Variants in PPP2R2B observed in about 807,000 individuals in gnomAD.
PPP2R2B encodes serine/threonine-protein phosphatase 2A 55 kDa regulatory subunit B beta isoform.
In PPP2R2B, 5 loss-of-function variants were observed where a neutral mutation model predicts 46.0. The observed-to-expected ratio is 0.11, with a 90% confidence interval of 0.06 to 0.23. The LOEUF (loss-of-function observed/expected upper bound fraction) is 0.23. Among genes scored for constraint, PPP2R2B ranks in the 10% least tolerant of loss-of-function variants. The pLI is 1.00. For missense variants in PPP2R2B, 367 were observed against 575.0 expected, an observed-to-expected ratio of 0.64 and a Z score of 3.70; for synonymous variants, 215 against 206.7, an observed-to-expected ratio of 1.04 and a Z score of -0.34.
intron 5 of PPP2R2B, among the ~76,000 whole-genome samples, chr5:146,671,237 T>C (rs1252821358): frequency 6.6e-6 from 1 of 152,214 alleles, no homozygotes; most frequent in Non-Finnish European, 1.5e-5. Context: ...AGGTGATTCA[T>C]GTATGTTGAT....
intron 2 of PPP2R2B, among the ~76,000 whole-genome samples, chr5:147,072,076 G>A (rs1333102006): frequency 6.6e-6 from 1 of 152,124 alleles, no homozygotes; most frequent in Non-Finnish European, 1.5e-5. Context: ...TTCTGGTGTA[G>A]GATTCAAAAC....
chr5:147,060,399 G>A (rs1351464064), upstream of PPP2R2B, among the ~76,000 whole-genome samples: 1 of 152,122 alleles, frequency 6.6e-6, no homozygotes, highest in African/African-American at 2.4e-5. Context: ...GGCTGCAGTG[G>A]GCAGATCACT....
chr5:146,770,222 G>A (rs1248320883), intron 2 of PPP2R2B, among the ~76,000 whole-genome samples: 4 of 150,886 alleles, frequency 2.7e-5, no homozygotes, highest in South Asian at 2.1e-4. Context: ...CTAGATACTC[G>A]GGAGAGGCTG....
chr5:146,940,286 C>A (rs76731372), intron 1 of PPP2R2B, among the ~76,000 whole-genome samples: 1 of 152,110 alleles, frequency 6.6e-6, no homozygotes, highest in African/African-American at 2.4e-5. Flanking sequence ...ATGATTGAAG[C>A]GCCACATCTA....
chr5:146,859,568 C>A (rs1167646586), intron 2 of PPP2R2B, among the ~76,000 whole-genome samples: 1 of 152,176 alleles, frequency 6.6e-6, no homozygotes, highest in South Asian at 2.1e-4. Context: ...TGCAGCTTAT[C>A]TATCTAACAA....
At chr5:146,726,743 A>G (rs569746685) in intron 2 of PPP2R2B, among the ~76,000 whole-genome samples, 2 of 152,292 alleles carry the variant, frequency 1.3e-5, no homozygotes, top group African/African-American at 4.8e-5. Flanking sequence ...GATCTGAGAA[A>G]TCTACTTTAC....
At chr5:146,882,920 T>TGTG (rs1302191372), upstream of PPP2R2B, among the ~76,000 whole-genome samples, 25 of 152,348 alleles carry the variant, frequency 1.6e-4, no homozygotes, top group African/African-American at 5.8e-4. Flanking sequence ...ATTGACAGCA[T>TGTG]GTGGATACAT....
chr5:147,000,089 G>A (rs112340674), intron 1 of PPP2R2B, among the ~76,000 whole-genome samples: 1,593 of 152,252 alleles, frequency 0.01, 12 homozygotes, highest in Non-Finnish European at 0.017. Context: ...AACAGACAGA[G>A]GGATTCCAAG....
intron 1 of PPP2R2B, among the ~76,000 whole-genome samples, chr5:146,959,243 C>G (rs963495863): frequency 1.3e-5 from 2 of 152,092 alleles, no homozygotes; most frequent in South Asian, 2.1e-4. Flanking sequence ...ACCTAACATG[C>G]CTTCTAGCAT....
At chr5:146,868,137 G>C (rs1349652842) in intron 2 of PPP2R2B, among the ~76,000 whole-genome samples, 1 of 152,250 alleles carries the variant, frequency 6.6e-6, no homozygotes, top group Non-Finnish European at 1.5e-5. Context: ...CTGAGTCCCT[G>C]ATTCACTCCA....
At chr5:146,990,779 A>C (rs954294570) in intron 1 of PPP2R2B, among the ~76,000 whole-genome samples, 4 of 152,128 alleles carry the variant, frequency 2.6e-5, no homozygotes, top group Non-Finnish European at 5.9e-5. Flanking sequence ...TGAAGAGTAA[A>C]ATATGGAGGG....
intron 2 of PPP2R2B, among the ~76,000 whole-genome samples, chr5:146,757,503 C>T (rs538271185): frequency 8.6e-5 from 13 of 151,950 alleles, no homozygotes; most frequent in South Asian, 4.2e-4. Flanking sequence ...GGGTGGAAGG[C>T]GAGAGATGGA....
intron 2 of PPP2R2B, among the ~76,000 whole-genome samples, chr5:146,840,336 A>T (rs1759556647): frequency 6.6e-6 from 1 of 152,124 alleles, no homozygotes; most frequent in African/African-American, 2.4e-5. Context: ...TTTTTTTTAC[A>T]TCGAAAAGAA....
At chr5:146,644,974 G>C (rs998576824) in intron 6 of PPP2R2B, among the ~76,000 whole-genome samples, 17 of 152,182 alleles carry the variant, frequency 1.1e-4, no homozygotes, top group African/African-American at 4.1e-4. Flanking sequence ...GGATAAGAGA[G>C]CCAAGTAGGA....
intron 8 of PPP2R2B, among the ~76,000 whole-genome samples, chr5:146,599,533 T>C (rs1391336917): frequency 1.3e-5 from 2 of 152,220 alleles, no homozygotes; most frequent in Non-Finnish European, 2.9e-5. Flanking sequence ...CAGGGCCTAG[T>C]GATCAGCCCC....
chr5:146,957,290 T>A (rs1177025836), intron 1 of PPP2R2B, among the ~76,000 whole-genome samples: 1 of 152,208 alleles, frequency 6.6e-6, no homozygotes, highest in Non-Finnish European at 1.5e-5. Flanking sequence ...GACTTAGAAA[T>A]CTACATTTGC....
At chr5:146,939,561 AC>A (rs1263258673) in intron 1 of PPP2R2B, among the ~76,000 whole-genome samples, 4 of 152,224 alleles carry the variant, frequency 2.6e-5, no homozygotes, top group South Asian at 2.1e-4. Context: ...TAAAAGACAA[AC>A]TTTTTGGTGG....
chr5:146,814,415 CAGG>C (rs1018288925), intron 2 of PPP2R2B, among the ~76,000 whole-genome samples: 8 of 152,174 alleles, frequency 5.3e-5, no homozygotes, highest in Non-Finnish European at 1.0e-4. Context: ...CCAGGAATGT[CAGG>C]AGACCATCAG....
intron 2 of PPP2R2B, among the ~76,000 whole-genome samples, chr5:147,075,497 T>C (rs1408393936): frequency 1.3e-5 from 2 of 152,148 alleles, no homozygotes; most frequent in South Asian, 2.1e-4. Flanking sequence ...ATCTCTGAGA[T>C]TGTCTCTCTA....
Sources: gnomAD v4.1 joint callset for allele counts (sites outside exome capture counted in the v4.1 genomes callset) on GRCh38, gnomAD v4.1.1 for gene constraint, MANE v1.5 for transcripts, NCBI Gene and HGNC (gene_info 2026-07-23, HGNC 2026-07-21) for gene names.